Variants in RORB observed in about 807,000 individuals in gnomAD.
The protein encoded by RORB is nuclear receptor ROR-beta.
Under a neutral mutation model 59.1 loss-of-function variants are expected in RORB, and 6 were observed. The ratio of observed to expected loss-of-function variants is 0.10; its 90% CI spans 0.06 to 0.20. The LOEUF (loss-of-function observed/expected upper bound fraction) is 0.20. RORB is among the 10% of genes least tolerant of loss of function. RORB has a pLI of 1.00. For missense variants in RORB, 320 were observed against 560.5 expected, an observed-to-expected ratio of 0.57 and a Z score of 4.33; for synonymous variants, 215 against 204.5, an observed-to-expected ratio of 1.05 and a Z score of -0.44.
intron 3 of RORB, among the ~76,000 whole-genome samples, chr9:74,641,694 A>G (rs555542555): frequency 1.2e-4 from 18 of 152,076 alleles, no homozygotes; most frequent in African/African-American, 4.1e-4. Context: ...TGAGGCCAGG[A>G]GTTCAAGACC....
chr9:74,537,858 T>A (rs1272274463), intron 1 of RORB, among the ~76,000 whole-genome samples: 2 of 152,122 alleles, frequency 1.3e-5, no homozygotes, highest in African/African-American at 2.4e-5. Flanking sequence ...ATTACTTTTT[T>A]AAAAAATATA....
At chr9:74,681,351 C>T (rs1824544593) in intron 9 of RORB, among the ~76,000 whole-genome samples, 1 of 152,214 alleles carries the variant, frequency 6.6e-6, no homozygotes, top group Non-Finnish European at 1.5e-5. Flanking sequence ...AGTGCTGCTG[C>T]CGCCTCCACA....
chr9:74,629,010 A>G (rs1484815592), intron 1 of RORB, among the ~76,000 whole-genome samples: 2 of 151,862 alleles, frequency 1.3e-5, no homozygotes. Flanking sequence ...CTTACCAACA[A>G]CCCCATTTCT....
In RORB at chr9:74,660,546, T is replaced by C. The variant is rs1485228230; in HGVS notation, c.638-71T>C. The C allele has an allele frequency of 7.0e-6, 10 of 1,433,186 alleles. No individual in the cohort carries two copies. The East Asian group carries it at 2.1e-4, about 30-fold the overall frequency. 88.8% of individuals were successfully genotyped at this position (1,433,186 alleles called of 1,614,324 possible). On this transcript the variant is annotated intron_variant, in intron 4 of 9. Transcript: ENST00000376896. Reference sequence around the variant, plus strand: ...GTATCTCCAAAAGGCATTCTTATAGTAAACACATTAAAAGCTAATGAGCAG... The same window carrying C: ...GTATCTCCAAAAGGCATTCTTATAGCAAACACATTAAAAGCTAATGAGCAG...
chr9:74,555,301 A>G (rs1382043521), intron 1 of RORB, among the ~76,000 whole-genome samples: 1 of 152,116 alleles, frequency 6.6e-6, no homozygotes, highest in Admixed American at 6.5e-5. Context: ...CACAGTGGGG[A>G]CCTTTGTCCT....
chr9:74,580,810 C>T (rs1183756769), intron 1 of RORB, among the ~76,000 whole-genome samples: 1 of 152,018 alleles, frequency 6.6e-6, no homozygotes, highest in African/African-American at 2.4e-5. Context: ...ATAAACTGTG[C>T]CTCAGTTACT....
intron 9 of RORB, among the ~76,000 whole-genome samples, chr9:74,677,062 AAACACT>A (rs1824455994): frequency 6.6e-6 from 1 of 152,180 alleles, no homozygotes; most frequent in Non-Finnish European, 1.5e-5. Flanking sequence ...GTCCTAGAGT[AAACACT>A]AGGCATTTCC....
At chr9:74,639,707 C>G (rs984831642) in intron 3 of RORB, among the ~76,000 whole-genome samples, 6 of 152,172 alleles carry the variant, frequency 3.9e-5, no homozygotes, top group African/African-American at 1.4e-4. Flanking sequence ...ACTTCCATAA[C>G]TCTACAACAA....
At chr9:74,563,630 C>T (rs965804729) in intron 1 of RORB, among the ~76,000 whole-genome samples, 3 of 152,196 alleles carry the variant, frequency 2.0e-5, no homozygotes, top group Non-Finnish European at 2.9e-5. Flanking sequence ...TGAAGTTGTA[C>T]ATTTTTGACA....
At chr9:74,670,075 T>C (rs1020925698) in intron 8 of RORB, among the ~76,000 whole-genome samples, 3 of 152,174 alleles carry the variant, frequency 2.0e-5, no homozygotes, top group African/African-American at 7.2e-5. Context: ...CTAGGCCTTT[T>C]TTTTTTTAAA....
chr9:74,648,602 C>G (rs1026931151), intron 4 of RORB, among the ~76,000 whole-genome samples: 1 of 152,198 alleles, frequency 6.6e-6, no homozygotes, highest in Non-Finnish European at 1.5e-5. Flanking sequence ...TCCTGGAGAG[C>G]AGGACGATAC....
chr9:74,605,141 G>A (rs567325914), intron 1 of RORB, among the ~76,000 whole-genome samples: 6 of 152,088 alleles, frequency 3.9e-5, no homozygotes, highest in East Asian at 1.9e-4. Flanking sequence ...ATTCAGTCCC[G>A]AAATAACATT....
At chr9:74,633,123 C>T (rs1407670390) in intron 2 of RORB, among the ~76,000 whole-genome samples, 2 of 152,158 alleles carry the variant, frequency 1.3e-5, no homozygotes, top group African/African-American at 4.8e-5. Flanking sequence ...CATATTGGAG[C>T]TGAAGACAAA....
In RORB at chr9:74,549,597, GA is replaced by G. The variant is rs1826568785; in HGVS notation, c.7+51616del. On this transcript the variant is annotated intron_variant, in intron 1 of 9. Coordinates refer to ENST00000376896, the MANE Select transcript of RORB (RefSeq NM_006914.4). ...GGAAGGAAGGAAGGAAGGAAGGAAG[GA>G]AGGAAGGAAGAAAGGAAGGAAGGAA... 3.1e-5 allele frequency among the ~76,000 whole-genome samples: 2 copies of G among 64,644 alleles called. 1 individual carries two copies. The highest frequency in any genetic ancestry group is 1.6e-4 in the African/African-American group (2 of 12,870). 42.4% of individuals were successfully genotyped at this position (64,644 alleles called of 152,430 possible).
intron 9 of RORB, among the ~76,000 whole-genome samples, chr9:74,672,785 G>T (rs920575786): frequency 6.6e-6 from 1 of 152,136 alleles, no homozygotes; most frequent in African/African-American, 2.4e-5. Flanking sequence ...TTAAGAACCA[G>T]AATATTTTAG....
At chr9:74,560,890 T>C (rs1456855957) in intron 1 of RORB, among the ~76,000 whole-genome samples, 1 of 152,148 alleles carries the variant, frequency 6.6e-6, no homozygotes, top group Non-Finnish European at 1.5e-5. Context: ...GAATGTATAC[T>C]GTTTGCCTTC....
At chr9:74,534,910 T>C (rs996305697) in intron 1 of RORB, among the ~76,000 whole-genome samples, 10 of 152,070 alleles carry the variant, frequency 6.6e-5, no homozygotes, top group Non-Finnish European at 1.5e-4. Context: ...TACCCTAATA[T>C]AGCAGCAGAC....
At chr9:74,657,202 T>C (rs1391252057) in intron 4 of RORB, among the ~76,000 whole-genome samples, 1 of 152,032 alleles carries the variant, frequency 6.6e-6, no homozygotes, top group East Asian at 1.9e-4. Flanking sequence ...CCCGCCACCA[T>C]GCCCAGCTAA....
At position 74,527,104 on chromosome 9, in the gene RORB, C is replaced by T. The variant is rs117292874; in HGVS notation, c.7+29121C>T. Among the ~76,000 whole-genome samples, 822 of 151,944 alleles carry T rather than the reference C, an allele frequency of 5.4e-3. 6 individuals are homozygous for T. Among genetic ancestry groups the T allele is most frequent in the South Asian group, 0.022 (104 of 4,814 alleles). On this transcript the variant is annotated intron_variant, in intron 1 of 9. Coordinates refer to ENST00000376896, the MANE Select transcript of RORB (RefSeq NM_006914.4). The stretch of plus-strand genomic sequence containing the variant: ...AAAAGACTCATGAGAATTTAGAAAC[C>T]GTAAGCATGAGTAATCAACCATTAT...
Sources: allele counts gnomAD v4.1 joint callset (sites outside exome capture counted in the v4.1 genomes callset), GRCh38; gene constraint gnomAD v4.1.1; transcripts MANE v1.5; gene names NCBI Gene and HGNC (gene_info 2026-07-23, HGNC 2026-07-21).